Variants in C7 observed in about 807,000 individuals in gnomAD.
C7 encodes complement component C7.
C7 carries 83 observed loss-of-function variants against 104.8 expected under a neutral mutation model. That is an observed-to-expected ratio of 0.79 (90% CI 0.66 to 0.95). The LOEUF (loss-of-function observed/expected upper bound fraction) is 0.95. Ranked by LOEUF, C7 falls within the 40% of genes least tolerant of loss-of-function variation. The pLI is 0.00. For synonymous variants in C7, 415 were observed against 360.6 expected, an observed-to-expected ratio of 1.15 and a Z score of -1.71; for missense variants, 1,070 against 1,011.2, an observed-to-expected ratio of 1.06 and a Z score of -0.79.
At chr5:40,973,583 C>T (rs1017418717) in intron 15 of C7, among the ~76,000 whole-genome samples, 4 of 152,312 alleles carry the variant, frequency 2.6e-5, no homozygotes, top group East Asian at 1.9e-4. Flanking sequence ...GCAAGACACA[C>T]GTCCTTGGAG....
chr5:40,924,128 G>A (rs1028885285), intron 1 of C7, among the ~76,000 whole-genome samples: 6 of 152,066 alleles, frequency 3.9e-5, no homozygotes, highest in Admixed American at 1.3e-4. Flanking sequence ...TTGTAAAATC[G>A]AAACAAATTA....
At chr5:40,961,738 C>A (rs1228329706) in intron 12 of C7, among the ~76,000 whole-genome samples, 4 of 152,138 alleles carry the variant, frequency 2.6e-5, no homozygotes, top group Admixed American at 2.6e-4. Flanking sequence ...AATTTCAGAA[C>A]CAAACGGCAA....
intron 1 of C7, among the ~76,000 whole-genome samples, chr5:40,924,416 A>C (rs1000816940): frequency 6.6e-6 from 1 of 152,120 alleles, no homozygotes; most frequent in African/African-American, 2.4e-5. Flanking sequence ...CATGGGTTGG[A>C]GTTGAGTGCC....
intron 2 of C7, among the ~76,000 whole-genome samples, chr5:40,929,413 T>A (rs1392174122): frequency 6.6e-6 from 1 of 151,918 alleles, no homozygotes; most frequent in African/African-American, 2.4e-5. Context: ...TGTTCAAGGG[T>A]CAAAAGTATT....
chr5:40,952,782 G>A (rs185268287), intron 9 of C7, among the ~76,000 whole-genome samples: 371 of 152,180 alleles, frequency 2.4e-3, no homozygotes, highest in South Asian at 0.01. Context: ...TTAAGAAAAT[G>A]TGGCACATAT....
intron 1 of C7, among the ~76,000 whole-genome samples, chr5:40,918,535 T>C (rs1579836786): frequency 1.3e-5 from 2 of 152,196 alleles, no homozygotes; most frequent in Admixed American, 6.5e-5. Context: ...GAGCCAACTA[T>C]ACGTTACCTG....
At chr5:40,969,031 A>G (rs1740632477) in intron 14 of C7, among the ~76,000 whole-genome samples, 1 of 152,128 alleles carries the variant, frequency 6.6e-6, no homozygotes, top group Non-Finnish European at 1.5e-5. Flanking sequence ...AAGTACAGAG[A>G]GCGCCCATCT....
intron 10 of C7, among the ~76,000 whole-genome samples, chr5:40,956,617 C>G (rs548197859): frequency 6.6e-6 from 1 of 152,340 alleles, no homozygotes; most frequent in South Asian, 2.1e-4. Flanking sequence ...CTTATCAAAA[C>G]AAACATTATA....
At chr5:40,921,049 CAAAAAAA>C (rs34006222) in intron 1 of C7, among the ~76,000 whole-genome samples, 1 of 126,284 alleles carries the variant, frequency 7.9e-6, no homozygotes, top group Non-Finnish European at 1.8e-5. Flanking sequence ...ACTCTGTCTC[CAAAAAAA>C]AAAAAAAATG....
Position 40,947,668 on chromosome 5 carries a change from T to G in C7, c.805T>G (p.Phe269Val). The change falls in exon 8 of 18, where the codon TTT (phenylalanine) becomes GTT (valine). Residue 269 changes from phenylalanine (F) to valine (V), a missense_variant. Physicochemically the swap from Phe to Val is conservative, Grantham distance 50 (BLOSUM62 -1). Transcript: ENST00000313164. ...TCAGTTCATTAATAACAATCCAGAA[T>G]TTTTACAACTTGCTGAGCCATTCTG... The part of the protein sequence containing the change: ...VAQFINNNPE[F>V]LQLAEPFWKE... 2.5e-6 allele frequency: 4 copies of G among 1,613,678 alleles called. No homozygotes were observed. The highest frequency in any genetic ancestry group is 3.4e-6 in the Non-Finnish European group (4 of 1,179,744).
At chr5:40,959,810 A>G (rs996320504) in intron 12 of C7, among the ~76,000 whole-genome samples, 190 bp downstream of exon 12, 11 of 152,224 alleles carry the variant, frequency 7.2e-5, no homozygotes, top group African/African-American at 2.4e-4. Context: ...TTCCTGAAAC[A>G]AGTGTTACAA....
intron 2 of C7, among the ~76,000 whole-genome samples, chr5:40,929,761 A>G (rs2167233): frequency 1.1e-3 from 174 of 152,258 alleles, no homozygotes; most frequent in African/African-American, 3.4e-3. Flanking sequence ...TTTCACATGT[A>G]CTTTATTTTA....
At chr5:40,978,211 G>T (rs116331462) in intron 16 of C7, among the ~76,000 whole-genome samples, 1 of 150,496 alleles carries the variant, frequency 6.6e-6, no homozygotes, top group African/African-American at 2.4e-5. Context: ...TATCAAAACC[G>T]ATATCCAACT....
At position 40,942,890 on chromosome 5, in the gene C7, G is replaced by A. The variant is rs368194574; in HGVS notation, c.568-2308G>A. On this transcript the variant is annotated intron_variant, in intron 6 of 17. Transcript: ENST00000313164. The stretch of plus-strand genomic sequence containing the variant: ...AGCGATTCTCCTGGTTCAGCCTCCC[G>A]AGTAGCTGGGATTACAGGCACGCAC... Among the ~76,000 whole-genome samples, 15 of 151,860 alleles carry A rather than the reference G, an allele frequency of 9.9e-5. No homozygotes were observed. The East Asian group carries it at 1.7e-3, about 18-fold the overall frequency.
chr5:40,965,547 C>G (rs375142655), intron 14 of C7, among the ~76,000 whole-genome samples: 3 of 151,934 alleles, frequency 2.0e-5, no homozygotes, highest in African/African-American at 7.3e-5. Flanking sequence ...ATTTACATCT[C>G]TAGCATAATC....
rs1270617018 is a variant in C7, at chr5:40,984,225, C to T, written c.*2652C>T. On this transcript the variant is annotated 3_prime_UTR_variant, in exon 18 of 18. Coordinates refer to ENST00000313164, the MANE Select transcript of C7 (RefSeq NM_000587.4). Reference sequence around the variant, plus strand: ...TTCAAACTGTTATTAATGTAACCTTCTTTCCCAGTGCAGGATGACTTGTAA... The same window carrying T: ...TTCAAACTGTTATTAATGTAACCTTTTTTCCCAGTGCAGGATGACTTGTAA... Among the ~76,000 whole-genome samples, 6 of 152,192 alleles carry T rather than the reference C, an allele frequency of 3.9e-5. No homozygotes were observed. The highest frequency in any genetic ancestry group is 9.7e-5 in the African/African-American group (4 of 41,446).
intron 9 of C7, among the ~76,000 whole-genome samples, chr5:40,951,489 G>C (rs1740169076): frequency 6.6e-6 from 1 of 152,102 alleles, no homozygotes; most frequent in South Asian, 2.1e-4. Context: ...AGGAATCAAG[G>C]GTTGAAAAAC....
At chr5:40,913,922 G>C (rs1739262612) in intron 1 of C7, among the ~76,000 whole-genome samples, 2 of 151,958 alleles carry the variant, frequency 1.3e-5, no homozygotes, top group South Asian at 4.1e-4. Context: ...CTCATGATTT[G>C]CCCGCCTCAG....
chr5:40,972,692 C>T, intron 15 of C7, 98 bp downstream of exon 15: 2 of 892,656 alleles, frequency 2.2e-6, no homozygotes, highest in South Asian at 2.1e-5. Flanking sequence ...AGCTGTGAGT[C>T]ATTCCCTCCA....
Sources: allele counts gnomAD v4.1 joint callset (sites outside exome capture counted in the v4.1 genomes callset), GRCh38; gene constraint gnomAD v4.1.1; transcripts MANE v1.5; gene names NCBI Gene and HGNC (gene_info 2026-07-23, HGNC 2026-07-21).